MGAT4C: variants seen among roughly 807,000 people sequenced by gnomAD.
MGAT4C encodes the protein alpha-1,3-mannosyl-glycoprotein 4-beta-N-acetylglucosaminyltransferase C.
A neutral mutation model predicts 40.1 loss-of-function variants in MGAT4C; 19 were observed. That is an observed-to-expected ratio of 0.47 (90% CI 0.33 to 0.70). The LOEUF is 0.70. Ranked by LOEUF, MGAT4C falls within the 30% of genes least tolerant of loss-of-function variation. The pLI is 0.02. For missense variants in MGAT4C, 491 were observed against 563.2 expected, an observed-to-expected ratio of 0.87 and a Z score of 1.30; for synonymous variants, 181 against 187.1, an observed-to-expected ratio of 0.97 and a Z score of 0.27.
intron 1 of MGAT4C, among the ~76,000 whole-genome samples, chr12:86,742,977 G>GTA (rs960707728): frequency 6.6e-6 from 1 of 150,580 alleles, no homozygotes; most frequent in African/African-American, 2.4e-5. Flanking sequence ...ATGTGTTTAT[G>GTA]TATATATGTG....
intron 2 of MGAT4C, among the ~76,000 whole-genome samples, chr12:86,725,869 G>C (rs894289753): frequency 6.6e-6 from 1 of 152,012 alleles, no homozygotes; most frequent in Non-Finnish European, 1.5e-5. Context: ...AAGAATTCTG[G>C]CTTTTCAAAC....
chr12:86,684,651 G>A (rs1330022998), intron 2 of MGAT4C, among the ~76,000 whole-genome samples: 3 of 152,176 alleles, frequency 2.0e-5, no homozygotes, highest in Non-Finnish European at 2.9e-5. Flanking sequence ...TCCACCAACA[G>A]TGTAAAAGCA....
At chr12:86,519,456 C>G in intron 2 of MGAT4C, among the ~76,000 whole-genome samples, 1 of 151,916 alleles carries the variant, frequency 6.6e-6, no homozygotes, top group East Asian at 1.9e-4. Flanking sequence ...GCAGTTCTAC[C>G]TTTAGTTTTT....
intron 2 of MGAT4C, among the ~76,000 whole-genome samples, chr12:86,515,527 T>A (rs1404450105): frequency 6.6e-6 from 1 of 152,094 alleles, no homozygotes; most frequent in East Asian, 1.9e-4. Context: ...ATTTCTATTT[T>A]AAAAATTGAA....
chr12:86,510,059 C>T (rs1049042245), intron 2 of MGAT4C, among the ~76,000 whole-genome samples: 12 of 152,144 alleles, frequency 7.9e-5, no homozygotes, highest in African/African-American at 2.9e-4. Flanking sequence ...TTATTTCCTT[C>T]TCCTGCCTAA....
chr12:86,561,263 T>C (rs1959850268), intron 2 of MGAT4C, among the ~76,000 whole-genome samples: 1 of 152,152 alleles, frequency 6.6e-6, no homozygotes, highest in African/African-American at 2.4e-5. Flanking sequence ...CAAAAGACCC[T>C]GTGATCGTTA....
intron 1 of MGAT4C, among the ~76,000 whole-genome samples, chr12:86,834,067 A>G (rs1306287425): frequency 6.6e-6 from 1 of 151,780 alleles, no homozygotes; most frequent in Middle Eastern, 3.2e-3. Context: ...TTCTTTATCC[A>G]TTCATTCAAC....
At chr12:86,657,235 CAT>C (rs1224528868) in intron 2 of MGAT4C, among the ~76,000 whole-genome samples, 2 of 151,894 alleles carry the variant, frequency 1.3e-5, no homozygotes, top group Admixed American at 6.6e-5. Context: ...TAAGAAAAAA[CAT>C]ATAAAGCTTT....
intron 2 of MGAT4C, among the ~76,000 whole-genome samples, chr12:86,443,540 G>T (rs1273696454): frequency 2.6e-5 from 4 of 152,078 alleles, no homozygotes; most frequent in African/African-American, 9.7e-5. Flanking sequence ...GTGTAGGAGA[G>T]CCCAAATATC....
intron 1 of MGAT4C, among the ~76,000 whole-genome samples, chr12:86,223,099 T>G (rs1412095891): frequency 6.6e-6 from 1 of 152,150 alleles, no homozygotes; most frequent in East Asian, 1.9e-4. Flanking sequence ...TTGCTACTAT[T>G]CTGAGATCCA....
intron 2 of MGAT4C, among the ~76,000 whole-genome samples, chr12:86,564,946 T>C (rs1364491412): frequency 1.3e-5 from 2 of 152,178 alleles, no homozygotes; most frequent in Non-Finnish European, 2.9e-5. Context: ...GGGATGCTGT[T>C]TGTAGCCTTT....
intron 3 of MGAT4C, among the ~76,000 whole-genome samples, chr12:86,339,507 T>C (rs926523133): frequency 6.6e-6 from 1 of 152,172 alleles, no homozygotes; most frequent in Non-Finnish European, 1.5e-5. Context: ...AAGATACATG[T>C]TTTTCCTTGA....
At chr12:86,212,912 A>C (rs997628940) in intron 1 of MGAT4C, among the ~76,000 whole-genome samples, 1 of 147,368 alleles carries the variant, frequency 6.8e-6, no homozygotes. Context: ...AAAAAAAAAA[A>C]AAAAAAAAAG....
chr12:86,582,601 A>G (rs1477943583), intron 2 of MGAT4C, among the ~76,000 whole-genome samples: 1 of 151,486 alleles, frequency 6.6e-6, no homozygotes, highest in East Asian at 1.9e-4. Flanking sequence ...CTTTCAGGTT[A>G]TTGGTATGAT....
At chr12:86,038,789 T>C (rs1463663130) in intron 2 of MGAT4C, among the ~76,000 whole-genome samples, 1 of 149,938 alleles carries the variant, frequency 6.7e-6, no homozygotes, top group East Asian at 1.9e-4. Flanking sequence ...GCTAGCTGGG[T>C]ATTTTGCCCG....
chr12:86,746,292 G>A (rs990525351), intron 1 of MGAT4C, among the ~76,000 whole-genome samples: 4 of 151,658 alleles, frequency 2.6e-5, no homozygotes, highest in South Asian at 4.2e-4. Flanking sequence ...AACCTTTAGG[G>A]GCCCAGGGGC....
At chr12:86,497,892 A>AT (rs1247111396) in intron 2 of MGAT4C, among the ~76,000 whole-genome samples, 4 of 72,304 alleles carry the variant, frequency 5.5e-5, no homozygotes, top group Non-Finnish European at 5.4e-5. Flanking sequence ...TGAAATTCCT[A>AT]AATATATATA....
chr12:86,670,760 T>C (rs752894427), intron 2 of MGAT4C, among the ~76,000 whole-genome samples: 1 of 152,152 alleles, frequency 6.6e-6, no homozygotes, highest in Non-Finnish European at 1.5e-5. Context: ...AGGCATATGG[T>C]CACCAGACTG....
At chr12:86,035,200 C>A (rs375980132) in intron 2 of MGAT4C, among the ~76,000 whole-genome samples, 12 of 150,042 alleles carry the variant, frequency 8.0e-5, no homozygotes, top group African/African-American at 2.9e-4. Context: ...AGTGTAAAAG[C>A]ATTTCTATTT....
Sources: gnomAD v4.1 joint callset for allele counts (sites outside exome capture counted in the v4.1 genomes callset) on GRCh38, gnomAD v4.1.1 for gene constraint, MANE v1.5 for transcripts, NCBI Gene and HGNC (gene_info 2026-07-23, HGNC 2026-07-21) for gene names.